The following KDM2B variants were observed in gnomAD, a reference collection of about 807,000 sequenced individuals.
KDM2B encodes the protein lysine-specific demethylase 2B.
A neutral mutation model predicts 150.0 loss-of-function variants in KDM2B; 26 were observed. That is an observed-to-expected ratio of 0.17 (90% CI 0.13 to 0.24). KDM2B has a LOEUF of 0.24. Among genes scored for constraint, KDM2B ranks in the 10% least tolerant of loss-of-function variants. The pLI is 1.00. For missense variants in KDM2B, 1,265 were observed against 1,816.9 expected, an observed-to-expected ratio of 0.70 and a Z score of 5.52; for synonymous variants, 734 against 729.5, an observed-to-expected ratio of 1.01 and a Z score of -0.10.
chr12:121,476,314 C>T (rs1163467893), intron 12 of KDM2B, among the ~76,000 whole-genome samples: 2 of 151,258 alleles, frequency 1.3e-5, no homozygotes, highest in Non-Finnish European at 1.5e-5. Flanking sequence ...AAAAATTAGC[C>T]GAGCATGGTA....
At chr12:121,410,461 C>T in the KDM2B span, among the ~76,000 whole-genome samples, 10 of 151,028 alleles carry the variant, frequency 6.6e-5, no homozygotes, top group Admixed American at 4.0e-4. Flanking sequence ...TGCTTGAACC[C>T]GGGAGGCAGA....
chr12:121,417,591 T>C, the KDM2B span: 187 of 1,614,080 alleles, frequency 1.2e-4, 1 homozygote, highest in South Asian at 1.9e-3. The surrounding 1 kb of genome is among the most constrained non-coding windows in gnomAD (Gnocchi z 5.0). Flanking sequence ...TTGTCACTTA[T>C]TACAAGAGAC....
intron 13 of KDM2B, among the ~76,000 whole-genome samples, chr12:121,446,328 A>G (rs556306979): frequency 6.6e-5 from 10 of 152,272 alleles, no homozygotes; most frequent in South Asian, 6.2e-4. Context: ...AACCCGGAAG[A>G]CAGAGGTTGC....
downstream of KDM2B, among the ~76,000 whole-genome samples, chr12:121,424,560 T>C (rs1393542397): frequency 6.6e-6 from 1 of 151,910 alleles, no homozygotes; most frequent in Non-Finnish European, 1.5e-5. Context: ...GGCGAAACCC[T>C]GTCTTTGGAA....
At chr12:121,428,703 G>GTAATC (rs1872640071), downstream of KDM2B, among the ~76,000 whole-genome samples, 1 of 152,080 alleles carries the variant, frequency 6.6e-6, no homozygotes, top group Non-Finnish European at 1.5e-5. Flanking sequence ...AAAAAATTCC[G>GTAATC]TAATCTAAAA....
Position 121,442,852 on chromosome 12 carries a change from G to C in KDM2B, c.2605-16C>G. 6.6e-7 allele frequency: 1 copy of C among 1,517,566 alleles called. No homozygotes were observed. The allele number at this position is 1,517,566 out of a possible 1,614,324, so 94.0% of individuals were successfully genotyped here. A position where few individuals can be genotyped will look rare whatever the true frequency, so the allele number is the denominator to read the frequency against. ...AGGACCGCCGCTGAGGGCGAGAGCG[G>C]AGACGCGTCAGCCTCTGGGGCTCAG... On this transcript the variant is annotated splice_polypyrimidine_tract_variant and intron_variant, in intron 18 of 22. Transcript: ENST00000377071. This position sits in a 1 kb window ranked among gnomAD's most constrained non-coding sequence, Gnocchi z 7.7.
Position 121,443,666 on chromosome 12 carries a change from C to T in KDM2B, c.2565+14G>A, listed in dbSNP as rs782411649. ...GTCCCCGGGGCCTCAGGAGGGCGTGCGTCGTGGGAGCACCTGCTGCTGGAA... is the reference window on the plus strand; with the variant it reads ...GTCCCCGGGGCCTCAGGAGGGCGTGTGTCGTGGGAGCACCTGCTGCTGGAA... On this transcript the variant is annotated intron_variant, in intron 17 of 22. Coordinates refer to ENST00000377071, the MANE Select transcript of KDM2B (RefSeq NM_032590.5). The T allele has an allele frequency of 2.2e-5, 34 of 1,553,316 alleles. No individual in the cohort carries two copies. Among genetic ancestry groups the T allele is most frequent in the South Asian group, 2.2e-5 (2 of 89,938 alleles).
chr12:121,556,723 G>A (rs144889648), intron 4 of KDM2B, among the ~76,000 whole-genome samples: 2,142 of 151,914 alleles, frequency 0.014, 48 homozygotes, highest in African/African-American at 0.049. Flanking sequence ...CTGGTTATGC[G>A]CACCTGTAAC....
chr12:121,526,181 G>A (rs1302950324), intron 8 of KDM2B, among the ~76,000 whole-genome samples: 4 of 152,054 alleles, frequency 2.6e-5, no homozygotes, highest in Admixed American at 6.6e-5. Context: ...ATGAAACCCC[G>A]TCTCTACTAA....
chr12:121,433,871 C>G (rs1304500725), intron 22 of KDM2B, among the ~76,000 whole-genome samples: 1 of 152,088 alleles, frequency 6.6e-6, no homozygotes, highest in African/African-American at 2.4e-5. Context: ...CAGTGAGATC[C>G]TGTCTCCAAA....
At chr12:121,456,681 C>T (rs1237514701) in intron 12 of KDM2B, among the ~76,000 whole-genome samples, 1 of 152,196 alleles carries the variant, frequency 6.6e-6, no homozygotes, top group Non-Finnish European at 1.5e-5. Flanking sequence ...CAAGTAAAAA[C>T]GTTGGGCCAA....
chr12:121,475,370 C>A, intron 12 of KDM2B, among the ~76,000 whole-genome samples: 1 of 152,148 alleles, frequency 6.6e-6, no homozygotes, highest in East Asian at 1.9e-4. Flanking sequence ...AGGAGGATCA[C>A]TTGAGCCCAG....
rs201645439 is a variant in KDM2B, at chr12:121,547,369, A to AAG, written c.683+1506_683+1507dup. ...AAACCGCCTACAAAGTAATTAAAGA[A>AAG]AGAGAGAGAGAGAGAGCTTGAAAGC... On this transcript the variant is annotated intron_variant, in intron 6 of 22. Coordinates refer to ENST00000377071, the MANE Select transcript of KDM2B (RefSeq NM_032590.5). 5.0e-4 allele frequency among the ~76,000 whole-genome samples: 76 copies of AAG among 151,452 alleles called. No individual in the cohort carries two copies. The South Asian group carries it at 0.011, about 21-fold the overall frequency.
chr12:121,443,356 C>T (rs368641339), intron 17 of KDM2B: 48 of 574,330 alleles, frequency 8.4e-5, no homozygotes, highest in African/African-American at 4.9e-4. Flanking sequence ...TGGGAATCCC[C>T]GGCCCAGCAG....
At chr12:121,501,643 CAG>C (rs1371502076) in intron 11 of KDM2B, among the ~76,000 whole-genome samples, 1 of 151,916 alleles carries the variant, frequency 6.6e-6, no homozygotes, top group Non-Finnish European at 1.5e-5. Context: ...TTTTTTGAGA[CAG>C]AGTCTTGCTC....
intron 6 of KDM2B, among the ~76,000 whole-genome samples, chr12:121,542,870 C>T (rs2141844261): frequency 6.6e-6 from 1 of 152,304 alleles, no homozygotes; most frequent in East Asian, 1.9e-4. Context: ...ATGTATGCTC[C>T]ACGAGAATGG....
chr12:121,455,185 A>C (rs2138893485), intron 12 of KDM2B, among the ~76,000 whole-genome samples: 1 of 152,122 alleles, frequency 6.6e-6, no homozygotes, highest in East Asian at 1.9e-4. Flanking sequence ...CTGGGCCTCT[A>C]CCCTGCTCAA....
intron 6 of KDM2B, among the ~76,000 whole-genome samples, chr12:121,542,503 C>G (rs1487920572): frequency 6.6e-6 from 1 of 152,224 alleles, no homozygotes; most frequent in Admixed American, 6.5e-5. Flanking sequence ...TCAGTTGTTC[C>G]CAGATTCCTG....
rs782779077 is a variant in KDM2B, at chr12:121,444,121, T to C, written c.2342A>G (p.His781Arg). The change falls in exon 16 of 23, where the codon CAC becomes CGC. Residue 781 changes from histidine (H) to arginine (R), a missense_variant. By Grantham distance (29) the His-to-Arg change is conservative. Transcript: ENST00000377071. The part of the protein sequence containing the change: ...EEAPRRRSDE[H>R]SKKVPPDGLL... ...GCCGTCCGGCGGCACCTTCTTCGAG[T>C]GCTCATCCGACCTGCGCCGGGGCGC... 3.7e-6 allele frequency: 6 copies of C among 1,613,470 alleles called. No individual in the cohort carries two copies. In the Middle Eastern group the frequency reaches 6.6e-4, roughly 177 times the overall value.
Sources: gnomAD v4.1 joint callset for allele counts (sites outside exome capture counted in the v4.1 genomes callset) on GRCh38, gnomAD v4.1.1 for gene constraint, Gnocchi (gnomAD v3.1) non-coding constraint, MANE v1.5 for transcripts, NCBI Gene and HGNC (gene_info 2026-07-23, HGNC 2026-07-21) for gene names.